The following PDE1C variants were observed in gnomAD, a reference collection of about 807,000 sequenced individuals.
PDE1C encodes the protein phosphodiesterase 1C.
In PDE1C, 62 loss-of-function variants were observed where a neutral mutation model predicts 93.1. The observed-to-expected ratio is 0.67, with a 90% CI of 0.54 to 0.82. The LOEUF (loss-of-function observed/expected upper bound fraction) is 0.82, where lower values mean the gene tolerates loss of function less well. PDE1C is among the 40% of genes least tolerant of loss of function. The pLI is 0.00. For missense variants in PDE1C, 742 were observed against 884.6 expected, an observed-to-expected ratio of 0.84 and a Z score of 2.04; for synonymous variants, 325 against 310.1, an observed-to-expected ratio of 1.05 and a Z score of -0.50.
In PDE1C at chr7:31,877,165, C is replaced by T. The variant is rs559803480; in HGVS notation, c.492+805G>A. ...AGACAACATGTGATGTCAACAAACT[C>T]AGTGATCTTGGGCTACAGGATCAGC... On this transcript the variant is annotated intron_variant, in intron 5 of 17. Coordinates refer to ENST00000396191, the MANE Select transcript of PDE1C (RefSeq NM_001191057.4). 1.6e-3 allele frequency among the ~76,000 whole-genome samples: 237 copies of T among 152,326 alleles called. 1 individual carries two copies. Among genetic ancestry groups the T allele is most frequent in the African/African-American group, 5.6e-3 (231 of 41,570 alleles).
At chr7:32,087,047 T>C (rs1430530949) in intron 3 of PDE1C, among the ~76,000 whole-genome samples, 1 of 151,998 alleles carries the variant, frequency 6.6e-6, no homozygotes, top group Non-Finnish European at 1.5e-5. Flanking sequence ...CAAAAGAAAC[T>C]ACCATCAGAG....
chr7:31,766,127 G>A (rs1333569924), intron 17 of PDE1C, among the ~76,000 whole-genome samples: 2 of 152,160 alleles, frequency 1.3e-5, no homozygotes, highest in African/African-American at 4.8e-5. Flanking sequence ...GCTCATGCCT[G>A]TAATCTCAGC....
At chr7:32,257,177 T>C (rs926513219) in intron 1 of PDE1C, among the ~76,000 whole-genome samples, 1 of 152,090 alleles carries the variant, frequency 6.6e-6, no homozygotes, top group Non-Finnish European at 1.5e-5. Flanking sequence ...ATTGAGACGA[T>C]GAACAAGTAA....
intron 16 of PDE1C, chr7:31,784,790 T>A (rs1454106603): frequency 2.0e-5 from 3 of 152,142 alleles, no homozygotes; most frequent in Non-Finnish European, 2.9e-5. Context: ...TGTATAAAAA[T>A]ATCATCAAAG....
the PDE1C span, among the ~76,000 whole-genome samples, chr7:31,645,596 A>G: frequency 5.3e-5 from 8 of 150,512 alleles, no homozygotes; most frequent in South Asian, 1.7e-3. Context: ...CATAACCATC[A>G]TCACCACCAC....
intron 1 of PDE1C, among the ~76,000 whole-genome samples, chr7:32,360,975 T>G (rs1261873122): frequency 2.6e-5 from 4 of 152,218 alleles, no homozygotes; most frequent in African/African-American, 9.6e-5. Flanking sequence ...CATTTAATCT[T>G]AAAAACAATC....
intron 3 of PDE1C, among the ~76,000 whole-genome samples, chr7:32,081,944 G>A (rs931105867): frequency 3.9e-5 from 6 of 152,308 alleles, no homozygotes; most frequent in African/African-American, 9.6e-5. Flanking sequence ...CGCAGAAGAT[G>A]GGTGATTTCT....
chr7:31,713,497 C>T, the PDE1C span, among the ~76,000 whole-genome samples: 1 of 152,210 alleles, frequency 6.6e-6, no homozygotes, highest in Non-Finnish European at 1.5e-5. Flanking sequence ...GTGGATCTAC[C>T]ATTCTGGGGT....
chr7:32,377,856 GA>G (rs1203111577), intron 1 of PDE1C, among the ~76,000 whole-genome samples: 1 of 152,112 alleles, frequency 6.6e-6, no homozygotes, highest in Non-Finnish European at 1.5e-5. Context: ...GGCCCCAGAG[GA>G]AAAACCACTG....
chr7:32,084,677 T>G (rs1004676290), intron 3 of PDE1C, among the ~76,000 whole-genome samples: 7 of 147,444 alleles, frequency 4.7e-5, no homozygotes, highest in Non-Finnish European at 9.1e-5. Flanking sequence ...ACAATCAAAC[T>G]AGAACTCAGG....
At chr7:31,828,738 T>C (rs977448798) in intron 11 of PDE1C, among the ~76,000 whole-genome samples, 9 of 152,156 alleles carry the variant, frequency 5.9e-5, no homozygotes, top group South Asian at 2.1e-4. Flanking sequence ...CCTGTGGCCA[T>C]TGTTTAGCTA....
chr7:32,051,093 G>C (rs1179327953), intron 2 of PDE1C, among the ~76,000 whole-genome samples: 2 of 152,160 alleles, frequency 1.3e-5, no homozygotes, highest in Admixed American at 1.3e-4. Context: ...CAAATCGAAA[G>C]ACTGCCACTG....
chr7:31,951,690 CT>C (rs1176084681), intron 2 of PDE1C, among the ~76,000 whole-genome samples: 1 of 152,174 alleles, frequency 6.6e-6, no homozygotes, highest in African/African-American at 2.4e-5. Context: ...ATGGCGAAGA[CT>C]TTTTGTTTTA....
intron 2 of PDE1C, among the ~76,000 whole-genome samples, chr7:31,992,014 G>A (rs568258544): frequency 6.6e-6 from 1 of 152,048 alleles, no homozygotes; most frequent in South Asian, 2.1e-4. Flanking sequence ...ATCTGGAAAA[G>A]GGAGAGGGAG....
At chr7:32,092,853 T>C (rs1014262348) in intron 3 of PDE1C, among the ~76,000 whole-genome samples, 6 of 151,450 alleles carry the variant, frequency 4.0e-5, no homozygotes, top group Non-Finnish European at 7.4e-5. Flanking sequence ...CTACACAACT[T>C]GTAGTTGTGA....
intron 2 of PDE1C, among the ~76,000 whole-genome samples, chr7:32,186,380 G>A (rs1287677641): frequency 2.0e-5 from 3 of 152,260 alleles, no homozygotes; most frequent in Non-Finnish European, 4.4e-5. Flanking sequence ...GGGATTACAG[G>A]CGTGAGCCAC....
intron 2 of PDE1C, among the ~76,000 whole-genome samples, chr7:32,034,009 T>C (rs570907175): frequency 3.3e-5 from 5 of 151,692 alleles, no homozygotes; most frequent in Admixed American, 2.0e-4. Flanking sequence ...GTTAATAAAA[T>C]AGAATAGGAA....
At chr7:31,801,812 A>AT (rs1786082521) in intron 16 of PDE1C, among the ~76,000 whole-genome samples, 1 of 151,148 alleles carries the variant, frequency 6.6e-6, no homozygotes, top group South Asian at 2.1e-4. Context: ...CTTTCTTTTG[A>AT]TTAGTGTTAA....
chr7:31,648,333 AG>A, the PDE1C span, among the ~76,000 whole-genome samples: 1 of 139,210 alleles, frequency 7.2e-6, no homozygotes, highest in African/African-American at 2.5e-5. Flanking sequence ...TGTAAGAAAA[AG>A]AAGAAGAAGA....
Sources: gnomAD v4.1 joint callset for allele counts (sites outside exome capture counted in the v4.1 genomes callset) on GRCh38, gnomAD v4.1.1 for gene constraint, MANE v1.5 for transcripts, NCBI Gene and HGNC (gene_info 2026-07-23, HGNC 2026-07-21) for gene names.